The following SDK1 variants were observed in gnomAD, a reference collection of about 807,000 sequenced individuals.
The protein encoded by SDK1 is sidekick cell adhesion molecule 1, also known as protein sidekick-1.
A neutral mutation model predicts 245.5 loss-of-function variants in SDK1; 157 were observed. The ratio of observed to expected loss-of-function variants is 0.64; its 90% CI spans 0.56 to 0.73. The LOEUF is 0.73. Ranked by LOEUF, SDK1 falls within the 30% of genes least tolerant of loss-of-function variation. The probability of loss-of-function intolerance (pLI) is 0.00; values close to 1 mark genes in which losing one functional copy is unlikely to be tolerated. For missense variants in SDK1, 3,583 were observed against 3,002.3 expected (o/e 1.19, Z -4.52); for synonymous variants, 1,647 against 1,278.5 (o/e 1.29, Z -6.15).
chr7:4,054,715 C>G (rs2342498), intron 19 of SDK1, among the ~76,000 whole-genome samples: 45,887 of 152,016 alleles, frequency 0.3, 10,634 homozygotes, highest in African/African-American at 0.66. Flanking sequence ...ACCTGAGAGG[C>G]AAAACATTCA....
At chr7:3,458,012 C>G (rs1180191060) in intron 1 of SDK1, among the ~76,000 whole-genome samples, 2 of 152,142 alleles carry the variant, frequency 1.3e-5, no homozygotes, top group Non-Finnish European at 2.9e-5. Flanking sequence ...TTTTATATTG[C>G]CCTTTGCCTT....
chr7:3,748,857 T>A (rs748241732), intron 4 of SDK1, among the ~76,000 whole-genome samples: 13 of 152,212 alleles, frequency 8.5e-5, no homozygotes, highest in Non-Finnish European at 1.6e-4. Flanking sequence ...GATTACAGCA[T>A]CACCGTTGTT....
At chr7:4,173,608 C>T (rs973155068) in intron 32 of SDK1, among the ~76,000 whole-genome samples, 1 of 152,166 alleles carries the variant, frequency 6.6e-6, no homozygotes, top group Non-Finnish European at 1.5e-5. Context: ...AGGGTGAGAG[C>T]TGGATGGCAA....
At position 3,969,408 on chromosome 7, in the gene SDK1, C is replaced by A; in HGVS notation, c.1698C>A (p.Ala566=). The A allele has an allele frequency of 6.2e-7, 1 of 1,601,276 alleles. No homozygotes were observed. The highest frequency in any genetic ancestry group is 8.5e-7 in the Non-Finnish European group (1 of 1,173,700). Residue 566 remains alanine, a synonymous_variant, in exon 11 of 45, where the codon GCC becomes GCA. Coordinates refer to ENST00000404826, the MANE Select transcript of SDK1 (RefSeq NM_152744.4). ...ANTEGSLNAS[A]TLTVWNRTSI... is the part of the protein sequence containing the mutation. Reference sequence around the variant, plus strand: ...CAGAGGGCTCCCTGAATGCATCGGCCACGCTCACTGTGTGGAGTAAGGAGC... The same window carrying A: ...CAGAGGGCTCCCTGAATGCATCGGCAACGCTCACTGTGTGGAGTAAGGAGC...
chr7:4,265,064 AGCAC>A (rs1169534208), intron 44 of SDK1, 56 bp from the exon 45 acceptor site: 1 of 1,500,264 alleles, frequency 6.7e-7, no homozygotes, highest in Non-Finnish European at 8.9e-7. Flanking sequence ...CCTCCTGCCC[AGCAC>A]GCTCCGGGCC....
At chr7:4,053,351 G>T (rs536618885) in intron 19 of SDK1, among the ~76,000 whole-genome samples, 1 of 139,896 alleles carries the variant, frequency 7.1e-6, no homozygotes, top group African/African-American at 3.2e-5. Flanking sequence ...GTGTCCTTAC[G>T]CTTGCCTCTC....
At chr7:4,194,084 G>C (rs597116) in intron 35 of SDK1, among the ~76,000 whole-genome samples, 57,510 of 151,796 alleles carry the variant, frequency 0.38, 11,413 homozygotes, top group Middle Eastern at 0.59. Flanking sequence ...TCCGGAAACC[G>C]CAAAACCAAC....
chr7:3,465,279 G>A (rs17133377), intron 1 of SDK1, among the ~76,000 whole-genome samples: 30 of 152,016 alleles, frequency 2.0e-4, no homozygotes, highest in African/African-American at 6.5e-4. Context: ...GAATGGTATC[G>A]TCTAGAGGTC....
chr7:3,417,043 A>G (rs1173213818), intron 1 of SDK1, among the ~76,000 whole-genome samples: 1 of 152,104 alleles, frequency 6.6e-6, no homozygotes, highest in Non-Finnish European at 1.5e-5. Flanking sequence ...GCATGATGGC[A>G]TGCGACTGTA....
intron 4 of SDK1, among the ~76,000 whole-genome samples, chr7:3,800,164 C>T (rs1351452044): frequency 6.6e-6 from 1 of 152,024 alleles, no homozygotes; most frequent in Admixed American, 6.5e-5. Flanking sequence ...AGGAAGCTTC[C>T]AGCCTGTGTG....
intron 1 of SDK1, among the ~76,000 whole-genome samples, chr7:3,318,247 C>A (rs747515146): frequency 1.3e-5 from 2 of 152,132 alleles, no homozygotes; most frequent in African/African-American, 2.4e-5. Flanking sequence ...AGCTTTAAAG[C>A]CGTCTGCTGT....
intron 1 of SDK1, among the ~76,000 whole-genome samples, chr7:3,553,383 A>G (rs1410288048): frequency 1.3e-5 from 2 of 152,170 alleles, no homozygotes; most frequent in Non-Finnish European, 2.9e-5. Flanking sequence ...CCAACTAAAT[A>G]CAATGATAGA....
Position 4,208,134 on chromosome 7 carries a change from G to A in SDK1, c.5250G>A (p.Thr1750=), listed in dbSNP as rs376246846. 6 of 1,613,946 alleles carry A rather than the reference G, an allele frequency of 3.7e-6. No individual in the cohort carries two copies. Among genetic ancestry groups the A allele is most frequent in the South Asian group, 2.2e-5 (2 of 91,044 alleles). Residue 1750 remains threonine (T), a synonymous_variant, in exon 37 of 45, where the codon ACG becomes ACA. Transcript: ENST00000404826. ...GGGAGGCAGACAGCCAGAACGAAAC[G>A]GAGAAAATGAAGGTCCTCTTCCTCC... ...YYWEADSQNE[T]EKMKVLFLPE... is the part of the protein sequence containing the mutation.
intron 4 of SDK1, among the ~76,000 whole-genome samples, chr7:3,733,602 G>A (rs910722296): frequency 6.6e-6 from 1 of 152,198 alleles, no homozygotes; most frequent in South Asian, 2.1e-4. Flanking sequence ...CCTCTAGCCC[G>A]CGAGTTCCAA....
intron 1 of SDK1, among the ~76,000 whole-genome samples, chr7:3,557,848 C>T (rs896749942): frequency 6.6e-6 from 1 of 152,206 alleles, no homozygotes; most frequent in Non-Finnish European, 1.5e-5. Flanking sequence ...ATTCACACGT[C>T]TGCATCTCCA....
intron 4 of SDK1, among the ~76,000 whole-genome samples, chr7:3,761,659 G>C (rs538952810): frequency 4.5e-4 from 69 of 151,870 alleles, no homozygotes; most frequent in African/African-American, 1.5e-3. Flanking sequence ...TAGGATGCTG[G>C]AGCGCAGAGA....
chr7:4,200,193 T>G (rs1259633319), intron 35 of SDK1, among the ~76,000 whole-genome samples: 1 of 152,176 alleles, frequency 6.6e-6, no homozygotes, highest in Non-Finnish European at 1.5e-5. Flanking sequence ...TAAAGACATG[T>G]GGACCCTGAC....
chr7:3,860,024 A>G (rs1047299283), intron 5 of SDK1, among the ~76,000 whole-genome samples: 3 of 151,540 alleles, frequency 2.0e-5, no homozygotes, highest in Non-Finnish European at 4.4e-5. Flanking sequence ...GGTTCACGCC[A>G]TTCTCCTGCC....
intron 13 of SDK1, among the ~76,000 whole-genome samples, chr7:3,986,113 T>C (rs1363923399): frequency 6.6e-6 from 1 of 152,140 alleles, no homozygotes; most frequent in Non-Finnish European, 1.5e-5. Context: ...GGGCAGCTCA[T>C]GGTTTTAAGG....
Sources: allele counts gnomAD v4.1 joint callset (sites outside exome capture counted in the v4.1 genomes callset), GRCh38; gene constraint gnomAD v4.1.1; transcripts MANE v1.5; gene names NCBI Gene and HGNC (gene_info 2026-07-23, HGNC 2026-07-21).